The following SORCS1 variants were observed in gnomAD, a reference collection of about 807,000 sequenced individuals.
The protein encoded by SORCS1 is VPS10 domain-containing receptor SorCS1.
A neutral mutation model predicts 146.1 loss-of-function variants in SORCS1; 60 were observed. The ratio of observed to expected loss-of-function variants is 0.41; its 90% CI spans 0.33 to 0.51. The LOEUF is 0.51. Among genes scored for constraint, SORCS1 ranks in the 20% least tolerant of loss-of-function variants. The probability of loss-of-function intolerance (pLI) is 0.21; values close to 1 mark genes in which losing one functional copy is unlikely to be tolerated. For missense variants in SORCS1, 1,352 were observed against 1,487.6 expected (o/e 0.91, Z 1.50); for synonymous variants, 637 against 584.0 (o/e 1.09, Z -1.31).
intron 21 of SORCS1, 63 bp downstream of exon 21, chr10:106,618,086 T>C: frequency 1.2e-6 from 2 of 1,602,028 alleles, no homozygotes; most frequent in Non-Finnish European, 8.5e-7. Context: ...TCTGGCATCA[T>C]GGCACAAGAG....
chr10:106,833,565 A>G (rs1454848868), intron 2 of SORCS1, among the ~76,000 whole-genome samples: 2 of 152,134 alleles, frequency 1.3e-5, no homozygotes, highest in Non-Finnish European at 2.9e-5. Context: ...CTTATCACCT[A>G]TGGTCTCTCA....
intron 2 of SORCS1, among the ~76,000 whole-genome samples, chr10:106,937,336 A>ATT (rs111634393): frequency 1.3e-4 from 18 of 143,698 alleles, no homozygotes; most frequent in African/African-American, 4.3e-4. Context: ...ATGCCCAGCT[A>ATT]TTTTTTTTTT....
intron 1 of SORCS1, among the ~76,000 whole-genome samples, chr10:107,083,682 G>A (rs1273153329): frequency 6.6e-6 from 1 of 152,190 alleles, no homozygotes; most frequent in African/African-American, 2.4e-5. Flanking sequence ...AGCCTTACAG[G>A]TGAGCAGTTA....
chr10:106,649,213 A>G (rs1403640975), intron 18 of SORCS1, among the ~76,000 whole-genome samples: 3 of 152,174 alleles, frequency 2.0e-5, no homozygotes, highest in Non-Finnish European at 2.9e-5. Context: ...TGAGCTGGTT[A>G]AGACAAGCTG....
At chr10:107,160,089 G>A (rs541566708) in intron 1 of SORCS1, among the ~76,000 whole-genome samples, 55 of 152,326 alleles carry the variant, frequency 3.6e-4, no homozygotes, top group African/African-American at 1.3e-3. Context: ...GGTAAAGGGT[G>A]CAATGTGACA....
intron 2 of SORCS1, among the ~76,000 whole-genome samples, chr10:106,843,643 G>C (rs971238487): frequency 6.6e-6 from 1 of 151,998 alleles, no homozygotes; most frequent in African/African-American, 2.4e-5. Flanking sequence ...CACCGTGTTA[G>C]CCAGGATGGT....
At chr10:106,664,741 T>G (rs1454069477) in intron 17 of SORCS1, among the ~76,000 whole-genome samples, 2 of 152,182 alleles carry the variant, frequency 1.3e-5, no homozygotes, top group African/African-American at 4.8e-5. Flanking sequence ...CTGGAACAAT[T>G]TGATCCCTCT....
intron 1 of SORCS1, among the ~76,000 whole-genome samples, chr10:107,026,959 T>C (rs563187397): frequency 6.6e-6 from 1 of 150,844 alleles, no homozygotes; most frequent in South Asian, 2.1e-4. Context: ...AAAATATGAA[T>C]AAATCATGCC....
chr10:106,685,276 C>T (rs925729640), intron 10 of SORCS1, among the ~76,000 whole-genome samples: 17 of 152,056 alleles, frequency 1.1e-4, no homozygotes, highest in Admixed American at 1.1e-3. Context: ...TAATGTTGAG[C>T]CCCTACCACA....
chr10:106,600,594 T>C (rs1455753524), intron 23 of SORCS1: 1 of 985,390 alleles, frequency 1.0e-6, no homozygotes, highest in Non-Finnish European at 1.2e-6. Context: ...AGTTGTTACA[T>C]ATATTCTAAA....
At chr10:106,976,911 TACC>T (rs1305925409) in intron 1 of SORCS1, among the ~76,000 whole-genome samples, 4 of 152,340 alleles carry the variant, frequency 2.6e-5, no homozygotes, top group Non-Finnish European at 5.9e-5. Flanking sequence ...GGTGTATATG[TACC>T]ACATTTTGTT....
chr10:107,111,892 C>T (rs372001050), intron 1 of SORCS1, among the ~76,000 whole-genome samples: 176 of 152,256 alleles, frequency 1.2e-3, no homozygotes, highest in African/African-American at 4.0e-3. Flanking sequence ...TCAACAGAAG[C>T]CTTTCAGGCC....
In SORCS1 at chr10:106,979,589, C is replaced by CA. The variant is rs748930225; in HGVS notation, c.559-23010dup. On this transcript the variant is annotated intron_variant, in intron 1 of 25. Coordinates refer to ENST00000263054, the MANE Select transcript of SORCS1 (RefSeq NM_052918.5). ...CAAAAACAAACAAACAAACAAAAAA[C>CA]AAAAAAAAAACTGGAAGATCTGGAG... is the stretch of plus-strand genomic sequence containing the variant. 7.6e-3 allele frequency among the ~76,000 whole-genome samples: 1,126 copies of CA among 147,538 alleles called. 6 individuals are homozygous for CA. Among genetic ancestry groups the CA allele is most frequent in the Middle Eastern group, 0.035 (10 of 288 alleles).
chr10:106,639,219 T>G (rs1848907972), intron 18 of SORCS1, among the ~76,000 whole-genome samples: 1 of 152,176 alleles, frequency 6.6e-6, no homozygotes, highest in African/African-American at 2.4e-5. Flanking sequence ...TTGCATGGTG[T>G]GGTGAAACCC....
intron 24 of SORCS1, 73 bp downstream of exon 24, chr10:106,597,278 T>C: frequency 1.6e-6 from 2 of 1,216,524 alleles, no homozygotes; most frequent in Non-Finnish European, 2.4e-6. Flanking sequence ...AGCCTTTTTA[T>C]GAGGAAGGAA....
chr10:106,935,377 T>TA (rs1405439061), intron 2 of SORCS1, among the ~76,000 whole-genome samples: 2 of 152,220 alleles, frequency 1.3e-5, no homozygotes, highest in African/African-American at 4.8e-5. Context: ...TTCTAATATT[T>TA]ACCATTTTAA....
intron 17 of SORCS1, among the ~76,000 whole-genome samples, chr10:106,657,850 A>AT (rs1231391384): frequency 6.6e-6 from 1 of 151,900 alleles, no homozygotes; most frequent in African/African-American, 2.4e-5. Context: ...CAAATTAGGG[A>AT]TAATTATGGA....
At chr10:106,587,795 C>A (rs1013713631) in intron 24 of SORCS1, among the ~76,000 whole-genome samples, 2 of 152,126 alleles carry the variant, frequency 1.3e-5, no homozygotes, top group Non-Finnish European at 2.9e-5. Context: ...AATAAGGCAA[C>A]TGATAGACAG....
At chr10:107,039,264 T>C (rs1289565159) in intron 1 of SORCS1, among the ~76,000 whole-genome samples, 7 of 145,680 alleles carry the variant, frequency 4.8e-5, no homozygotes, top group Non-Finnish European at 7.6e-5. Context: ...GGAGGAGGAG[T>C]TTGCAGTGAG....
Sources: allele counts gnomAD v4.1 joint callset (sites outside exome capture counted in the v4.1 genomes callset), GRCh38; gene constraint gnomAD v4.1.1; transcripts MANE v1.5; gene names NCBI Gene and HGNC (gene_info 2026-07-23, HGNC 2026-07-21).